Variants in MICAL2 observed in about 807,000 individuals in gnomAD.
The protein encoded by MICAL2 is microtubule associated monooxygenase, calponin and LIM domain containing 2.
A neutral mutation model predicts 127.3 loss-of-function variants in MICAL2; 77 were observed. The observed-to-expected ratio is 0.60, with a 90% confidence interval of 0.50 to 0.73. The LOEUF (loss-of-function observed/expected upper bound fraction) is 0.73, where lower values mean the gene tolerates loss of function less well. MICAL2 is among the 30% of genes least tolerant of loss of function. The pLI is 0.00. For missense variants in MICAL2, 1,351 were observed against 1,434.4 expected (o/e 0.94, Z 0.94); for synonymous variants, 570 against 551.1 (o/e 1.03, Z -0.48).
rs571031112 is a variant in MICAL2 at position 12,228,931 on chromosome 11, G to A, written c.1995+1800G>A. On this transcript the variant is annotated intron_variant, in intron 15 of 27. Coordinates refer to ENST00000683283, the MANE Select transcript of MICAL2 (RefSeq NM_001282663.2). ...CTGGTGGGAGCAGGGGTGGCTTGGG[G>A]TAGGGGCAGTTGTAAGTACCTGCCC... Among the ~76,000 whole-genome samples the A allele has an allele frequency of 5.3e-5, 8 of 152,282 alleles. No homozygotes were observed. In the East Asian group the frequency reaches 1.5e-3, roughly 29 times the overall value.
chr11:12,257,015 T>G (rs1455134350), intron 24 of MICAL2, 44 bp downstream of exon 24: 4 of 1,560,592 alleles, frequency 2.6e-6, no homozygotes, highest in Non-Finnish European at 2.6e-6. Context: ...GGCCTTGGCC[T>G]CAGGTGTGAC....
chr11:12,281,879 A>G (rs1863775926), intron 2 of MICAL2, among the ~76,000 whole-genome samples: 1 of 152,160 alleles, frequency 6.6e-6, no homozygotes, highest in Non-Finnish European at 1.5e-5. Context: ...TGATTCAGTC[A>G]ACAATTTGGG....
intron 3 of MICAL2, among the ~76,000 whole-genome samples, chr11:12,170,949 CT>C (rs1856179527): frequency 5.3e-5 from 8 of 152,378 alleles, no homozygotes; most frequent in African/African-American, 1.9e-4. Flanking sequence ...AACTCTGTGG[CT>C]CAAAGGGCTT....
In MICAL2 at chr11:12,300,982, G is replaced by A. The variant is rs147347053; in HGVS notation, c.5212+6125G>A. On this transcript the variant is annotated intron_variant, in intron 29 of 34. Transcript: ENST00000646065. ...GCTGATAAAGACATACTCGAGACTG[G>A]GAAGAAAATGAGGTTTAATTGGACT... Among the ~76,000 whole-genome samples the A allele has an allele frequency of 5.3e-3, 800 of 152,286 alleles. 11 individuals carry two copies. Among genetic ancestry groups the A allele is most frequent in the African/African-American group, 0.019 (776 of 41,566 alleles).
intron 3 of MICAL2, among the ~76,000 whole-genome samples, chr11:12,192,450 A>G (rs1859319278): frequency 6.6e-6 from 1 of 152,202 alleles, no homozygotes; most frequent in Admixed American, 6.5e-5. Flanking sequence ...CTGAGCTCTT[A>G]GAGGTCAAAA....
At chr11:12,264,135 G>GT (rs1863486574), downstream of MICAL2, among the ~76,000 whole-genome samples, 1 of 152,162 alleles carries the variant, frequency 6.6e-6, no homozygotes, top group South Asian at 2.1e-4. Context: ...ACACCCAAGC[G>GT]TGGCTCTACA....
chr11:12,127,528 G>A (rs1415666900), intron 1 of MICAL2, among the ~76,000 whole-genome samples: 1 of 152,218 alleles, frequency 6.6e-6, no homozygotes, highest in Admixed American at 6.5e-5. Context: ...GGTGTGTGCT[G>A]CATGGAGAGG....
At chr11:12,318,067 A>T (rs1864250590) in intron 29 of MICAL2, among the ~76,000 whole-genome samples, 1 of 152,220 alleles carries the variant, frequency 6.6e-6, no homozygotes, top group African/African-American at 2.4e-5. Flanking sequence ...TAGATCAGTG[A>T]TGATGATCAC....
intron 29 of MICAL2, among the ~76,000 whole-genome samples, chr11:12,302,759 T>C (rs1436156114): frequency 6.6e-6 from 1 of 152,144 alleles, no homozygotes; most frequent in Admixed American, 6.6e-5. Flanking sequence ...AACTTTTGAC[T>C]TCAAGCGATC....
intron 29 of MICAL2, among the ~76,000 whole-genome samples, chr11:12,303,122 C>G (rs1485461249): frequency 1.3e-5 from 2 of 152,148 alleles, no homozygotes; most frequent in South Asian, 4.1e-4. Context: ...GAAACTGCCT[C>G]CATGATTCAA....
chr11:12,346,224 T>G (rs1483615536), intron 32 of MICAL2, among the ~76,000 whole-genome samples: 1 of 152,208 alleles, frequency 6.6e-6, no homozygotes, highest in Non-Finnish European at 1.5e-5. Context: ...GGCTCATGGC[T>G]GGACCAGATG....
intron 29 of MICAL2, among the ~76,000 whole-genome samples, chr11:12,306,917 C>T (rs1864117462): frequency 6.6e-6 from 1 of 152,182 alleles, no homozygotes; most frequent in Admixed American, 6.5e-5. Context: ...CTTCTATGAA[C>T]ATTAATGTAC....
In MICAL2 at chr11:12,168,512, CA is replaced by C. The variant is rs530670814; in HGVS notation, c.264+6094del. ...TACATGCATACATACCACACACATA[CA>C]TAACACCACACACACACTACACACA... On this transcript the variant is annotated intron_variant, in intron 3 of 27. Coordinates refer to ENST00000683283, the MANE Select transcript of MICAL2 (RefSeq NM_001282663.2). Among the ~76,000 whole-genome samples the C allele has an allele frequency of 2.7e-4, 41 of 151,532 alleles. 1 individual carries two copies. The South Asian group carries it at 8.4e-3, about 31-fold the overall frequency.
rs544892442 is a variant in MICAL2, at chr11:12,147,732, C to A, written c.-78+9272C>A. On this transcript the variant is annotated intron_variant, in intron 2 of 27. Transcript: ENST00000683283. ...TTCCCTTGGCATCCACAGCACCTAG[C>A]AAGGCCCCAGTCACAATATAGGTTC... Among the ~76,000 whole-genome samples, 29 of 152,320 alleles carry A rather than the reference C, an allele frequency of 1.9e-4. No individual in the cohort carries two copies. The South Asian group carries it at 6.0e-3, about 32-fold the overall frequency.
chr11:12,304,891 G>T (rs1864091057), intron 29 of MICAL2, among the ~76,000 whole-genome samples: 3 of 152,128 alleles, frequency 2.0e-5, no homozygotes, highest in African/African-American at 7.2e-5. Flanking sequence ...CTTCAACATT[G>T]TCTTAGTATT....
intron 3 of MICAL2, among the ~76,000 whole-genome samples, chr11:12,194,418 G>T (rs1373834542): frequency 5.3e-5 from 8 of 152,186 alleles, no homozygotes; most frequent in African/African-American, 1.9e-4. Flanking sequence ...ACCCCTACAT[G>T]ACTGAACTGA....
chr11:12,257,614 CCTTGGG>C (rs1259534969), intron 24 of MICAL2, among the ~76,000 whole-genome samples: 2 of 152,148 alleles, frequency 1.3e-5, no homozygotes, highest in Admixed American at 1.3e-4. Context: ...AAGCATGGAA[CCTTGGG>C]CTTGTTACTT....
At chr11:12,207,485 G>A (rs1018244169) in intron 4 of MICAL2, among the ~76,000 whole-genome samples, 8 of 152,212 alleles carry the variant, frequency 5.3e-5, no homozygotes, top group African/African-American at 1.9e-4. Flanking sequence ...TTGAAGTGTG[G>A]GTAAGAGATG....
chr11:12,233,423 A>G (rs1051494137), intron 15 of MICAL2, among the ~76,000 whole-genome samples: 1 of 152,188 alleles, frequency 6.6e-6, no homozygotes, highest in Non-Finnish European at 1.5e-5. Flanking sequence ...GCAATGGTCA[A>G]CCTCTCTTCC....
Sources: gnomAD v4.1 joint callset for allele counts (sites outside exome capture counted in the v4.1 genomes callset) on GRCh38, gnomAD v4.1.1 for gene constraint, MANE v1.5 for transcripts, NCBI Gene and HGNC (gene_info 2026-07-23, HGNC 2026-07-21) for gene names.